DNAAF11: variants seen among roughly 807,000 people sequenced by gnomAD.
The protein encoded by DNAAF11 is dynein axonemal assembly factor 11.
Under a neutral mutation model 60.8 loss-of-function variants are expected in DNAAF11, and 45 were observed. The observed-to-expected ratio is 0.74, with a 90% CI of 0.58 to 0.95. DNAAF11 has a LOEUF of 0.95. DNAAF11 is among the 40% of genes least tolerant of loss of function. The pLI, the probability that DNAAF11 is intolerant of heterozygous loss-of-function variation, is 0.00. For synonymous variants in DNAAF11, 191 were observed against 183.5 expected (o/e 1.04, Z -0.33); for missense variants, 546 against 546.2 (o/e 1.00, Z 0.00).
intron 10 of DNAAF11, among the ~76,000 whole-genome samples, chr8:132,586,343 G>A (rs552987090): frequency 6.6e-6 from 1 of 152,096 alleles, no homozygotes; most frequent in African/African-American, 2.4e-5. Flanking sequence ...GCTGCCTGTG[G>A]CTACTAAGCA....
intron 10 of DNAAF11, among the ~76,000 whole-genome samples, chr8:132,597,271 CCCA>C (rs1817110752): frequency 6.6e-6 from 1 of 152,076 alleles, no homozygotes; most frequent in Non-Finnish European, 1.5e-5. Context: ...TTCCCCAGAG[CCCA>C]CCGAGCACTG....
chr8:132,572,557 C>G, intron 11 of DNAAF11, 77 bp from the exon 12 acceptor site: 1 of 1,103,898 alleles, frequency 9.1e-7, no homozygotes. Context: ...CTCACCCATC[C>G]ATTTATTCAG....
intron 1 of DNAAF11, among the ~76,000 whole-genome samples, chr8:132,666,709 C>T (rs1230361487): frequency 6.6e-6 from 1 of 152,218 alleles, no homozygotes; most frequent in Non-Finnish European, 1.5e-5. Context: ...AGTGTATCTT[C>T]TTTCACTTTG....
At chr8:132,603,395 A>G (rs1454663479) in intron 10 of DNAAF11, among the ~76,000 whole-genome samples, 2 of 152,162 alleles carry the variant, frequency 1.3e-5, no homozygotes, top group Non-Finnish European at 2.9e-5. Context: ...CTGGTGGCAA[A>G]GGACTCCAGC....
chr8:132,597,973 C>T (rs1817197794), intron 10 of DNAAF11, among the ~76,000 whole-genome samples: 1 of 152,132 alleles, frequency 6.6e-6, no homozygotes, highest in Admixed American at 6.5e-5. Flanking sequence ...AGGTGAAGCA[C>T]TTTACTATAT....
At chr8:132,590,013 G>A (rs1484318435) in intron 10 of DNAAF11, among the ~76,000 whole-genome samples, 1 of 152,220 alleles carries the variant, frequency 6.6e-6, no homozygotes, top group Non-Finnish European at 1.5e-5. Flanking sequence ...TCATGTGGGT[G>A]TGACATGGTG....
chr8:132,699,821 T>C, the DNAAF11 span, among the ~76,000 whole-genome samples: 2 of 152,176 alleles, frequency 1.3e-5, no homozygotes, highest in Non-Finnish European at 2.9e-5. Context: ...CATACAAACA[T>C]TATGTTAAGT....
At chr8:132,687,422 C>A in the DNAAF11 span, 4 of 324,942 alleles carry the variant, frequency 1.2e-5, no homozygotes, top group African/African-American at 6.5e-5. Flanking sequence ...ATAATGAAGT[C>A]ATAATTATCC....
chr8:132,580,236 C>T (rs1815187168), intron 11 of DNAAF11, among the ~76,000 whole-genome samples: 1 of 152,298 alleles, frequency 6.6e-6, no homozygotes, highest in African/African-American at 2.4e-5. Context: ...AGATGCTGCC[C>T]TCACTCCACT....
At chr8:132,662,027 G>A (rs1463550905) in intron 1 of DNAAF11, among the ~76,000 whole-genome samples, 1 of 152,176 alleles carries the variant, frequency 6.6e-6, no homozygotes, top group African/African-American at 2.4e-5. Flanking sequence ...AGGCACAGTT[G>A]AGCTGTCAGA....
the DNAAF11 span, among the ~76,000 whole-genome samples, chr8:132,681,372 G>A: frequency 6.9e-6 from 1 of 143,950 alleles, no homozygotes; most frequent in Admixed American, 7.1e-5. Flanking sequence ...ACCCTAAAAA[G>A]TGGGTACAAT....
In DNAAF11 at chr8:132,669,405, T is replaced by C. The variant is rs538046322; in HGVS notation, c.10+6079A>G. 1.1e-4 allele frequency among the ~76,000 whole-genome samples: 16 copies of C among 152,346 alleles called. No homozygotes were observed. In the South Asian group the frequency reaches 3.1e-3, roughly 30 times the overall value. ...GCAATTGTAAAGACTTGCACTGGTG[T>C]TGAACAGAGATAGGATACAAGTGGA... is the stretch of plus-strand genomic sequence containing the variant. On this transcript the variant is annotated intron_variant, in intron 1 of 11. Coordinates refer to ENST00000620350, the MANE Select transcript of DNAAF11 (RefSeq NM_012472.6).
the DNAAF11 span, among the ~76,000 whole-genome samples, chr8:132,690,557 T>C: frequency 9.9e-5 from 15 of 152,202 alleles, no homozygotes; most frequent in African/African-American, 3.4e-4. Context: ...ACTATATTTG[T>C]TACAATCAAA....
intron 5 of DNAAF11, among the ~76,000 whole-genome samples, chr8:132,626,791 G>A (rs1425978737): frequency 1.3e-5 from 2 of 152,112 alleles, no homozygotes; most frequent in African/African-American, 4.8e-5. Flanking sequence ...CAAATAGTAG[G>A]TACTCAATAC....
At chr8:132,644,338 G>A (rs1405530301) in intron 3 of DNAAF11, among the ~76,000 whole-genome samples, 1 of 152,100 alleles carries the variant, frequency 6.6e-6, no homozygotes, top group Admixed American at 6.5e-5. Flanking sequence ...AAACAATAAG[G>A]TTGCATTTAA....
chr8:132,607,150 T>C (rs2129879873), intron 10 of DNAAF11, among the ~76,000 whole-genome samples: 1 of 152,262 alleles, frequency 6.6e-6, no homozygotes, highest in East Asian at 1.9e-4. Context: ...TCTATGCAGG[T>C]GTACCACTTT....
rs777011841 is a variant in DNAAF11 at position 132,637,975 on chromosome 8, T to A, written c.389A>T (p.His130Leu). The A allele has an allele frequency of 1.2e-6, 2 of 1,613,900 alleles. No homozygotes were observed. The highest frequency in any genetic ancestry group is 2.7e-5 in the African/African-American group (2 of 74,930). ...LMGNPCASFDHYREFVVATLP... is the reference protein window; with the variant it reads ...LMGNPCASFDLYREFVVATLP... ...AGTTGCTACCACGAACTCCCTATAG[T>A]GGTCAAAGGAAGCACATGGGTTCCC... The change falls in exon 4 of 12, where the codon CAC becomes CTC. Residue 130 changes from histidine (H) to leucine (L), a missense_variant. Coordinates refer to ENST00000620350, the MANE Select transcript of DNAAF11 (RefSeq NM_012472.6).
intron 10 of DNAAF11, among the ~76,000 whole-genome samples, chr8:132,596,957 T>C (rs1817075928): frequency 6.6e-6 from 1 of 152,180 alleles, no homozygotes; most frequent in Non-Finnish European, 1.5e-5. Flanking sequence ...TGTTGTCTTA[T>C]GTTTTCCTCC....
chr8:132,648,242 C>A (rs554607046), intron 3 of DNAAF11, among the ~76,000 whole-genome samples: 1 of 152,038 alleles, frequency 6.6e-6, no homozygotes, highest in African/African-American at 2.4e-5. Context: ...CATATAAACA[C>A]AACCAAAGAC....
Sources: allele counts gnomAD v4.1 joint callset (sites outside exome capture counted in the v4.1 genomes callset), GRCh38; gene constraint gnomAD v4.1.1; transcripts MANE v1.5; gene names NCBI Gene and HGNC (gene_info 2026-07-23, HGNC 2026-07-21).